LRRC20: variants seen among roughly 807,000 people sequenced by gnomAD.
LRRC20 encodes leucine rich repeat containing 20, also known as leucine-rich repeat-containing protein 20.
Under a neutral mutation model 14.4 loss-of-function variants are expected in LRRC20, and 11 were observed. The observed-to-expected ratio is 0.77, with a 90% CI of 0.48 to 1.27. LRRC20 has a LOEUF of 1.27. Among genes scored for constraint, LRRC20 ranks in the 50% most tolerant of loss-of-function variants. The pLI is 0.00. For synonymous variants in LRRC20, 121 were observed against 107.3 expected, an observed-to-expected ratio of 1.13 and a Z score of -0.79; for missense variants, 219 against 251.2, an observed-to-expected ratio of 0.87 and a Z score of 0.87.
At chr10:70,353,547 A>G (rs1843403717) in intron 2 of LRRC20, among the ~76,000 whole-genome samples, 1 of 152,100 alleles carries the variant, frequency 6.6e-6, no homozygotes, top group South Asian at 2.1e-4. Context: ...CCTCCTGAGT[A>G]GCTGGGACTA....
Position 70,347,245 on chromosome 10 carries a change from G to A in LRRC20, c.83-6543C>T, listed in dbSNP as rs1454691981. On this transcript the variant is annotated intron_variant, in intron 2 of 4. Transcript: ENST00000446961. Reference sequence around the variant, plus strand: ...TCGTCAGTGAGGGAAATAGGGAAAAGCAGATCCAAGAAACACAGGAACTCT... The same window carrying A: ...TCGTCAGTGAGGGAAATAGGGAAAAACAGATCCAAGAAACACAGGAACTCT... Among the ~76,000 whole-genome samples, 3 of 152,148 alleles carry A rather than the reference G, an allele frequency of 2.0e-5. No homozygotes were observed. The East Asian group carries it at 5.8e-4, about 29-fold the overall frequency.
intron 2 of LRRC20, among the ~76,000 whole-genome samples, chr10:70,352,677 G>C (rs10999288): frequency 6.6e-6 from 1 of 152,156 alleles, no homozygotes; most frequent in Non-Finnish European, 1.5e-5. Flanking sequence ...TTTGTGGGCA[G>C]TGGGGAGTAT....
chr10:70,373,578 G>A (rs112735012), intron 2 of LRRC20, among the ~76,000 whole-genome samples: 227 of 152,320 alleles, frequency 1.5e-3, no homozygotes, highest in African/African-American at 5.3e-3. Flanking sequence ...TGGAAATTTT[G>A]CTTCTTCTCT....
chr10:70,364,304 C>T (rs572455859), intron 2 of LRRC20, among the ~76,000 whole-genome samples: 6 of 152,218 alleles, frequency 3.9e-5, no homozygotes, highest in African/African-American at 9.6e-5. Context: ...CAGTCCCTGG[C>T]AGCCCCCTTT....
intron 4 of LRRC20, among the ~76,000 whole-genome samples, chr10:70,317,918 G>A (rs565056460): frequency 7.9e-5 from 12 of 152,162 alleles, no homozygotes; most frequent in Non-Finnish European, 1.6e-4. Flanking sequence ...CATTTGTTTC[G>A]GCCAAGATTC....
intron 4 of LRRC20, among the ~76,000 whole-genome samples, chr10:70,312,244 A>G (rs1841692676): frequency 6.6e-6 from 1 of 152,146 alleles, no homozygotes; most frequent in Admixed American, 6.5e-5. Context: ...AACAACCAAG[A>G]TCAAGGACGC....
intron 3 of LRRC20, 97 bp downstream of exon 3, chr10:70,340,456 A>G: frequency 7.0e-7 from 1 of 1,430,594 alleles, no homozygotes; most frequent in Non-Finnish European, 9.7e-7. Flanking sequence ...GGTGTCGCTG[A>G]CCAGGGACCA....
chr10:70,336,450 A>G (rs1842728417), intron 3 of LRRC20, among the ~76,000 whole-genome samples: 2 of 152,220 alleles, frequency 1.3e-5, no homozygotes. Flanking sequence ...TCTAGCAATC[A>G]TTCAGGAAGC....
chr10:70,343,573 C>A (rs1842985972), intron 2 of LRRC20, among the ~76,000 whole-genome samples: 1 of 152,150 alleles, frequency 6.6e-6, no homozygotes, highest in South Asian at 2.1e-4. Flanking sequence ...AACAAGCTCC[C>A]AAAAGTCAGG....
At chr10:70,313,390 T>C (rs767543792) in intron 4 of LRRC20, among the ~76,000 whole-genome samples, 4 of 152,118 alleles carry the variant, frequency 2.6e-5, no homozygotes, top group South Asian at 2.1e-4. Context: ...TGCCTCAGAA[T>C]TGGTGGTGCA....
At chr10:70,310,607 AGCACAGTGCTCAC>A (rs1409477058) in intron 4 of LRRC20, among the ~76,000 whole-genome samples, 5 of 152,234 alleles carry the variant, frequency 3.3e-5, no homozygotes, top group African/African-American at 1.2e-4. Flanking sequence ...TGTGACACAA[AGCACAGTGCTCAC>A]GGGTGCTCCA....
At chr10:70,301,580 G>A (rs538451810) in intron 4 of LRRC20, 72 bp from the exon 5 acceptor site, 3 of 1,539,062 alleles carry the variant, frequency 1.9e-6, no homozygotes, top group Admixed American at 1.7e-5. Flanking sequence ...AATGGGCCAT[G>A]AGGACTCTGA....
rs568129885 is a variant in LRRC20 at position 70,309,930 on chromosome 10, C to G, written c.401-8422G>C. Among the ~76,000 whole-genome samples, 5 of 152,374 alleles carry G rather than the reference C, an allele frequency of 3.3e-5. No homozygotes were observed. In the South Asian group the frequency reaches 1.0e-3, roughly 32 times the overall value. ...CTAGTGGGAGCGGCACTGCCGGGGT[C>G]TCGGCTTGCTGTTTCCACGTCTGCC... On this transcript the variant is annotated intron_variant, in intron 4 of 4. Transcript: ENST00000446961.
At position 70,312,977 on chromosome 10, in the gene LRRC20, C is replaced by T. The variant is rs534549433; in HGVS notation, c.400+10886G>A. ...AGGAGAAAAACCTTTGGCTTTCATT[C>T]CTCCTCTGTGCCCCAGGTTGGCCAG... On this transcript the variant is annotated intron_variant, in intron 4 of 4. Transcript: ENST00000446961. Among the ~76,000 whole-genome samples the T allele has an allele frequency of 2.6e-5, 4 of 152,366 alleles. No individual in the cohort carries two copies. In the South Asian group the frequency reaches 6.2e-4, roughly 24 times the overall value.
At chr10:70,332,447 T>G (rs1171313464) in intron 3 of LRRC20, among the ~76,000 whole-genome samples, 1 of 152,190 alleles carries the variant, frequency 6.6e-6, no homozygotes, top group Admixed American at 6.5e-5. Context: ...AGTTCAAGAC[T>G]AGCCTGGGCA....
In LRRC20 at chr10:70,300,964, A is replaced by G; in HGVS notation, c.*390T>C. 3 of 1,005,688 alleles carry G rather than the reference A, an allele frequency of 3.0e-6. No homozygotes were observed. Among genetic ancestry groups the G allele is most frequent in the Non-Finnish European group, 3.6e-6 (3 of 843,934 alleles). The allele number at this position is 1,005,688 out of a possible 1,614,324, so 62.3% of individuals were successfully genotyped here. On this transcript the variant is annotated 3_prime_UTR_variant, in exon 5 of 5. Transcript: ENST00000446961. ...TCAAACCCGCAGGGGCTCAGAAAAT[A>G]CCTGGCAATGCCCACCTGTGCCTGC... is the stretch of plus-strand genomic sequence containing the variant.
At chr10:70,308,459 G>A (rs1304953326) in intron 4 of LRRC20, among the ~76,000 whole-genome samples, 1 of 152,126 alleles carries the variant, frequency 6.6e-6, no homozygotes, top group African/African-American at 2.4e-5. Context: ...CTTAGACTCT[G>A]GGGTGACCTG....
chr10:70,318,407 A>G (rs1464113800), intron 4 of LRRC20, among the ~76,000 whole-genome samples: 1 of 152,244 alleles, frequency 6.6e-6, no homozygotes, highest in Non-Finnish European at 1.5e-5. Flanking sequence ...CAAGGGCAGA[A>G]TTAAGTAAAT....
chr10:70,342,974 T>G (rs1842968933), intron 2 of LRRC20, among the ~76,000 whole-genome samples: 1 of 152,210 alleles, frequency 6.6e-6, no homozygotes, highest in Non-Finnish European at 1.5e-5. Context: ...CATGTGAAAC[T>G]CAATATTTCT....
Sources: gnomAD v4.1 joint callset for allele counts (sites outside exome capture counted in the v4.1 genomes callset) on GRCh38, gnomAD v4.1.1 for gene constraint, MANE v1.5 for transcripts, NCBI Gene and HGNC (gene_info 2026-07-23, HGNC 2026-07-21) for gene names.